Variants in GRID2 observed in about 807,000 individuals in gnomAD.
GRID2 encodes the protein glutamate ionotropic receptor delta type subunit 2.
In GRID2, 33 loss-of-function variants were observed where a neutral mutation model predicts 114.8. The observed-to-expected ratio is 0.29, with a 90% CI of 0.22 to 0.38. The LOEUF is 0.38. Ranked by LOEUF, GRID2 falls within the 10% of genes least tolerant of loss-of-function variation. The pLI is 1.00. For missense variants in GRID2, 1,184 were observed against 1,257.7 expected, an observed-to-expected ratio of 0.94 and a Z score of 0.89; for synonymous variants, 505 against 449.9, an observed-to-expected ratio of 1.12 and a Z score of -1.55.
At chr4:92,509,728 ATAAT>A (rs1365445746) in intron 1 of GRID2, among the ~76,000 whole-genome samples, 1 of 151,954 alleles carries the variant, frequency 6.6e-6, no homozygotes, top group African/African-American at 2.4e-5. Flanking sequence ...AGACTTTGAG[ATAAT>A]TAAGTATTTG....
chr4:93,446,174 T>C (rs182049722), intron 10 of GRID2, among the ~76,000 whole-genome samples: 11 of 152,138 alleles, frequency 7.2e-5, no homozygotes, highest in Admixed American at 5.9e-4. Context: ...TCTGCATGGC[T>C]CCTCACTCTT....
intron 1 of GRID2, among the ~76,000 whole-genome samples, chr4:92,494,825 CAA>C (rs891626821): frequency 2.6e-5 from 4 of 151,814 alleles, no homozygotes; most frequent in Non-Finnish European, 5.9e-5. Flanking sequence ...TAGTTTGGTG[CAA>C]AAGTCATTGT....
chr4:93,368,174 A>G (rs992736028), intron 8 of GRID2, among the ~76,000 whole-genome samples: 5 of 152,194 alleles, frequency 3.3e-5, no homozygotes, highest in Admixed American at 1.3e-4. Context: ...GCTACATTTT[A>G]TCCCAACCAA....
At chr4:92,908,155 G>C (rs978616382) in intron 2 of GRID2, among the ~76,000 whole-genome samples, 1 of 152,106 alleles carries the variant, frequency 6.6e-6, no homozygotes, top group Non-Finnish European at 1.5e-5. Context: ...AGGGACTAAT[G>C]TCTATCAGAT....
At chr4:93,083,662 C>T (rs1399721290) in intron 2 of GRID2, among the ~76,000 whole-genome samples, 1 of 140,172 alleles carries the variant, frequency 7.1e-6, no homozygotes, top group Non-Finnish European at 1.5e-5. Flanking sequence ...CACCACTGCA[C>T]TCCAGTCTGG....
At chr4:93,533,346 C>T in intron 13 of GRID2, among the ~76,000 whole-genome samples, 1 of 131,620 alleles carries the variant, frequency 7.6e-6, no homozygotes, top group East Asian at 2.5e-4. Context: ...TTCTTGCCCT[C>T]CCTCCCTCCC....
At chr4:93,431,573 A>G (rs1187304702) in intron 10 of GRID2, among the ~76,000 whole-genome samples, 1 of 152,176 alleles carries the variant, frequency 6.6e-6, no homozygotes, top group Non-Finnish European at 1.5e-5. Context: ...CTCTTTTGGT[A>G]GCATAGTGGG....
At chr4:93,431,668 A>T (rs1769423681) in intron 10 of GRID2, among the ~76,000 whole-genome samples, 1 of 152,166 alleles carries the variant, frequency 6.6e-6, no homozygotes, top group African/African-American at 2.4e-5. Context: ...TTTTTTCAGA[A>T]ATTTTAGATG....
At chr4:92,946,416 T>C (rs926343735) in intron 2 of GRID2, among the ~76,000 whole-genome samples, 1 of 152,230 alleles carries the variant, frequency 6.6e-6, no homozygotes, top group South Asian at 2.1e-4. Flanking sequence ...TTTTCCTGTC[T>C]TTTCCAGAGT....
chr4:93,736,978 C>T (rs758325930), intron 14 of GRID2, among the ~76,000 whole-genome samples: 1 of 151,706 alleles, frequency 6.6e-6, no homozygotes, highest in Non-Finnish European at 1.5e-5. Context: ...ACACGTTGAG[C>T]TTTGGAGACA....
At chr4:93,788,189 G>A (rs962093432) in intron 1 of GRID2, among the ~76,000 whole-genome samples, 2 of 151,940 alleles carry the variant, frequency 1.3e-5, no homozygotes, top group Non-Finnish European at 2.9e-5. Context: ...ATGGTGGCAG[G>A]CACCTGTAAT....
intron 1 of GRID2, among the ~76,000 whole-genome samples, chr4:92,574,543 C>G (rs966578355): frequency 6.6e-6 from 1 of 151,588 alleles, no homozygotes. Flanking sequence ...TGAAAACGAC[C>G]TCTTTCTCTT....
chr4:93,121,325 G>A (rs1733764630), intron 4 of GRID2, among the ~76,000 whole-genome samples: 1 of 152,024 alleles, frequency 6.6e-6, no homozygotes, highest in South Asian at 2.1e-4. Flanking sequence ...ATTCATGCAC[G>A]CTCCAGTTAA....
chr4:93,345,212 A>AT (rs886671023), intron 8 of GRID2, among the ~76,000 whole-genome samples: 24 of 151,912 alleles, frequency 1.6e-4, no homozygotes, highest in Admixed American at 1.6e-3. Context: ...CCAATTTTTA[A>AT]TTTTTTGGGG....
At chr4:92,785,238 A>C (rs1322446486) in intron 2 of GRID2, among the ~76,000 whole-genome samples, 1 of 151,574 alleles carries the variant, frequency 6.6e-6, no homozygotes, top group Non-Finnish European at 1.5e-5. Flanking sequence ...CTATTTCTAT[A>C]AAACTGAAGT....
intron 1 of GRID2, among the ~76,000 whole-genome samples, chr4:92,586,587 T>C (rs1018940378): frequency 6.6e-6 from 1 of 151,984 alleles, no homozygotes; most frequent in African/African-American, 2.4e-5. Flanking sequence ...ATTTATGAAT[T>C]TTCAAAGGGC....
chr4:92,544,210 A>G (rs1726126970), intron 1 of GRID2, among the ~76,000 whole-genome samples: 1 of 152,166 alleles, frequency 6.6e-6, no homozygotes, highest in South Asian at 2.1e-4. Flanking sequence ...GCTTAAAAGG[A>G]AATTTAATTT....
At chr4:92,883,087 A>G (rs1001353952) in intron 2 of GRID2, among the ~76,000 whole-genome samples, 1 of 152,210 alleles carries the variant, frequency 6.6e-6, no homozygotes, top group African/African-American at 2.4e-5. Context: ...AACTTCCGTA[A>G]TTACAGTCAG....
intron 2 of GRID2, among the ~76,000 whole-genome samples, chr4:93,070,907 TA>T (rs537087403): frequency 5.3e-5 from 8 of 152,104 alleles, no homozygotes; most frequent in Admixed American, 1.3e-4. Context: ...AGCTATGAAT[TA>T]AATGTTCTAA....
Sources: gnomAD v4.1 joint callset for allele counts (sites outside exome capture counted in the v4.1 genomes callset) on GRCh38, gnomAD v4.1.1 for gene constraint, MANE v1.5 for transcripts, NCBI Gene and HGNC (gene_info 2026-07-23, HGNC 2026-07-21) for gene names.